DPYSL3: variants seen among roughly 807,000 people sequenced by gnomAD.
The protein encoded by DPYSL3 is dihydropyrimidinase like 3.
In DPYSL3, 16 loss-of-function variants were observed where a neutral mutation model predicts 66.1. That is an observed-to-expected ratio of 0.24 (90% CI 0.16 to 0.37). The LOEUF (loss-of-function observed/expected upper bound fraction) is 0.37. Ranked by LOEUF, DPYSL3 falls within the 10% of genes least tolerant of loss-of-function variation. The pLI, the probability that DPYSL3 is intolerant of heterozygous loss-of-function variation, is 1.00. For synonymous variants in DPYSL3, 338 were observed against 345.1 expected (o/e 0.98, Z 0.23); for missense variants, 738 against 916.2 (o/e 0.81, Z 2.51).
intron 6 of DPYSL3, among the ~76,000 whole-genome samples, chr5:147,412,100 G>C (rs562252140): frequency 6.6e-6 from 1 of 152,010 alleles, no homozygotes; most frequent in African/African-American, 2.4e-5. Context: ...CCTCACTTTC[G>C]TCACTCTTTC....
intron 1 of DPYSL3, among the ~76,000 whole-genome samples, chr5:147,456,807 T>G (rs1456490414): frequency 6.6e-6 from 1 of 151,990 alleles, no homozygotes; most frequent in African/African-American, 2.4e-5. Flanking sequence ...GCCATGCTGG[T>G]CTCGAACTCC....
rs1449022733 is a variant in DPYSL3 at position 147,402,673 on chromosome 5, T to C, written c.1154-977A>G. Among the ~76,000 whole-genome samples the C allele has an allele frequency of 3.9e-5, 6 of 152,112 alleles. No homozygotes were observed. In the East Asian group the frequency reaches 1.2e-3, roughly 30 times the overall value. On this transcript the variant is annotated intron_variant, in intron 8 of 13. Transcript: ENST00000343218. Reference sequence around the variant, plus strand: ...ATGACTTTTTTTTTTATCATGTTTGTTACTCCTAACATGATGACTTGGTAA... The same window carrying C: ...ATGACTTTTTTTTTTATCATGTTTGCTACTCCTAACATGATGACTTGGTAA...
At chr5:147,394,180 G>A (rs1289811925) in intron 13 of DPYSL3, 57 bp from the exon 14 acceptor site, 7 of 1,567,476 alleles carry the variant, frequency 4.5e-6, no homozygotes, top group Non-Finnish European at 6.1e-6. Flanking sequence ...CGGGTAGGGG[G>A]ATGTGGGCAA....
chr5:147,422,590 T>C (rs1398650048), intron 2 of DPYSL3, among the ~76,000 whole-genome samples: 1 of 152,024 alleles, frequency 6.6e-6, no homozygotes, highest in East Asian at 1.9e-4. Flanking sequence ...AGCAAAGACT[T>C]AGAACCAACC....
At chr5:147,477,882 C>A (rs548991775) in intron 1 of DPYSL3, among the ~76,000 whole-genome samples, 63 of 152,188 alleles carry the variant, frequency 4.1e-4, no homozygotes, top group Admixed American at 1.6e-3. Context: ...GCGCCCGGCC[C>A]TAAATCTTTA....
chr5:147,412,312 G>A (rs1751870353), intron 6 of DPYSL3, among the ~76,000 whole-genome samples: 1 of 152,174 alleles, frequency 6.6e-6, no homozygotes, highest in African/African-American at 2.4e-5. Flanking sequence ...ATCAGCAAAT[G>A]CTCTCCCATT....
At chr5:147,394,637 G>A (rs778926172) in intron 13 of DPYSL3, among the ~76,000 whole-genome samples, 1 of 151,588 alleles carries the variant, frequency 6.6e-6, no homozygotes, top group African/African-American at 2.4e-5. Context: ...TCAGAAAGGA[G>A]CCTCTAAAAG....
chr5:147,439,064 C>T (rs1022490903), intron 1 of DPYSL3, among the ~76,000 whole-genome samples: 2 of 152,170 alleles, frequency 1.3e-5, no homozygotes, highest in Non-Finnish European at 2.9e-5. Context: ...CCACTTAACC[C>T]AGGGAAAGAA....
At chr5:147,406,352 C>T (rs139881019) in intron 7 of DPYSL3, among the ~76,000 whole-genome samples, 1 of 152,246 alleles carries the variant, frequency 6.6e-6, no homozygotes, top group East Asian at 1.9e-4. Context: ...GAAGTTTTCC[C>T]TTATTTTATT....
intron 1 of DPYSL3, among the ~76,000 whole-genome samples, chr5:147,501,478 A>ATTTTT (rs749216433): frequency 4.2e-4 from 38 of 91,072 alleles, no homozygotes; most frequent in Middle Eastern, 0.018. Flanking sequence ...GGTGATAATG[A>ATTTTT]TTTTTTTTTT....
intron 1 of DPYSL3, among the ~76,000 whole-genome samples, chr5:147,480,071 A>G (rs1231908725): frequency 1.3e-5 from 2 of 152,140 alleles, no homozygotes; most frequent in Non-Finnish European, 2.9e-5. Flanking sequence ...TGCAAACTAC[A>G]TGACTCAGAA....
chr5:147,400,131 C>CT (rs1758128643), intron 10 of DPYSL3, among the ~76,000 whole-genome samples: 1 of 152,166 alleles, frequency 6.6e-6, no homozygotes. Flanking sequence ...TTACTAAAAT[C>CT]TTTGAAAGAG....
intron 1 of DPYSL3, among the ~76,000 whole-genome samples, chr5:147,429,262 C>G (rs148707438): frequency 3.3e-5 from 5 of 152,186 alleles, no homozygotes; most frequent in Non-Finnish European, 5.9e-5. Context: ...CCAAGAGCTA[C>G]GTGTGTCACT....
At chr5:147,437,756 C>T (rs763351839) in intron 1 of DPYSL3, among the ~76,000 whole-genome samples, 7 of 152,160 alleles carry the variant, frequency 4.6e-5, no homozygotes, top group Non-Finnish European at 1.0e-4. Flanking sequence ...GAATCAGTGC[C>T]AGTTAGCCTG....
intron 1 of DPYSL3, among the ~76,000 whole-genome samples, chr5:147,467,051 G>A (rs953432358): frequency 2.6e-5 from 4 of 152,132 alleles, no homozygotes; most frequent in African/African-American, 9.7e-5. Context: ...TGAGCTCAGG[G>A]GGTCCAGTGA....
chr5:147,405,590 A>G lies in DPYSL3; in HGVS notation c.1153+20T>C. On this transcript the variant is annotated intron_variant, in intron 8 of 13. Coordinates refer to ENST00000343218, the MANE Select transcript of DPYSL3 (RefSeq NM_001197294.2). ...ACACAGTGCCATCAGGGGCTCCGAG[A>G]TCTTGGAAACACAAATCACCTTTTT... The G allele has an allele frequency of 6.2e-7, 1 of 1,604,796 alleles. No homozygotes were observed. Among genetic ancestry groups the G allele is most frequent in the Non-Finnish European group, 8.5e-7 (1 of 1,175,466 alleles).
chr5:147,402,617 G>C (rs1441806799), intron 8 of DPYSL3, among the ~76,000 whole-genome samples: 2 of 151,308 alleles, frequency 1.3e-5, no homozygotes, highest in African/African-American at 4.9e-5. Context: ...AAAGTGCTGG[G>C]ATTACAGGCG....
intron 1 of DPYSL3, among the ~76,000 whole-genome samples, chr5:147,435,764 G>A (rs1471882739): frequency 2.0e-5 from 3 of 152,232 alleles, no homozygotes; most frequent in African/African-American, 7.2e-5. Flanking sequence ...TTAGCATGCT[G>A]GGTGCCAGCA....
At chr5:147,501,857 T>G (rs899552097) in intron 1 of DPYSL3, among the ~76,000 whole-genome samples, 2 of 152,156 alleles carry the variant, frequency 1.3e-5, no homozygotes, top group Non-Finnish European at 1.5e-5. Flanking sequence ...AAGGAGGCTG[T>G]GTGTTTATGG....
Sources: gnomAD v4.1 joint callset for allele counts (sites outside exome capture counted in the v4.1 genomes callset) on GRCh38, gnomAD v4.1.1 for gene constraint, MANE v1.5 for transcripts, NCBI Gene and HGNC (gene_info 2026-07-23, HGNC 2026-07-21) for gene names.